NAALADL2: variants seen among roughly 807,000 people sequenced by gnomAD.
NAALADL2 encodes N-acetylated alpha-linked acidic dipeptidase like 2, also known as inactive N-acetylated-alpha-linked acidic dipeptidase-like protein 2.
In NAALADL2, 76 loss-of-function variants were observed where a neutral mutation model predicts 87.2. The ratio of observed to expected loss-of-function variants is 0.87; its 90% CI spans 0.72 to 1.05. NAALADL2 has a LOEUF of 1.05. NAALADL2 is among the 50% of genes least tolerant of loss of function. The probability of loss-of-function intolerance (pLI) is 0.00; values close to 1 mark genes in which losing one functional copy is unlikely to be tolerated. For missense variants in NAALADL2, 1,089 were observed against 945.8 expected, an observed-to-expected ratio of 1.15 and a Z score of -1.99; for synonymous variants, 354 against 331.0, an observed-to-expected ratio of 1.07 and a Z score of -0.75.
chr3:175,437,999 T>C (rs946241123), intron 5 of NAALADL2, among the ~76,000 whole-genome samples: 1 of 152,058 alleles, frequency 6.6e-6, no homozygotes, highest in Non-Finnish European at 1.5e-5. Flanking sequence ...TGAGAAGATG[T>C]GAACATCTAT....
chr3:175,771,287 T>C (rs1009349130), intron 13 of NAALADL2, among the ~76,000 whole-genome samples: 5 of 152,184 alleles, frequency 3.3e-5, no homozygotes, highest in Non-Finnish European at 5.9e-5. Context: ...ATTAGTGTTA[T>C]GTTATATTAG....
intron 5 of NAALADL2, among the ~76,000 whole-genome samples, chr3:175,389,599 T>C (rs1355257779): frequency 6.6e-6 from 1 of 152,238 alleles, no homozygotes; most frequent in African/African-American, 2.4e-5. Context: ...ATCCTGTCTT[T>C]GCATTTGCGT....
intron 3 of NAALADL2, among the ~76,000 whole-genome samples, chr3:174,847,804 G>GA (rs59583247): frequency 7.7e-4 from 107 of 138,832 alleles, no homozygotes; most frequent in East Asian, 1.4e-3. Flanking sequence ...GTATGTATTT[G>GA]AAAAAAAAAA....
chr3:175,587,483 GAGGCAATGGTAGCAATGA>G (rs1358542036), intron 10 of NAALADL2, among the ~76,000 whole-genome samples: 1 of 152,158 alleles, frequency 6.6e-6, no homozygotes, highest in Non-Finnish European at 1.5e-5. Flanking sequence ...AGGTGAACAT[GAGGCAATGGTAGCAATGA>G]AGGCATATAT....
chr3:175,247,285 C>CAT (rs149183690), intron 3 of NAALADL2, among the ~76,000 whole-genome samples: 1 of 91,630 alleles, frequency 1.1e-5, no homozygotes, highest in Non-Finnish European at 2.4e-5. Flanking sequence ...CACACACACA[C>CAT]ACATAAAACA....
intron 2 of NAALADL2, among the ~76,000 whole-genome samples, chr3:175,228,454 A>G (rs942732842): frequency 6.6e-6 from 1 of 151,880 alleles, no homozygotes; most frequent in Non-Finnish European, 1.5e-5. Context: ...ACATTATAAC[A>G]TAACTACTTT....
In NAALADL2 at chr3:175,698,989, T is replaced by C. The variant is rs1039044883; in HGVS notation, c.1897-38317T>C. The stretch of plus-strand genomic sequence containing the variant: ...AAGCTCAAACTTTGAATAGTTAGAC[T>C]CTAAAGTGTCTGGTTCTGTAAACCA... On this transcript the variant is annotated intron_variant, in intron 11 of 13. Transcript: ENST00000454872. Among the ~76,000 whole-genome samples, 3 of 152,024 alleles carry C rather than the reference T, an allele frequency of 2.0e-5. No homozygotes were observed. In the East Asian group the frequency reaches 5.8e-4, roughly 29 times the overall value.
chr3:174,618,177 A>T (rs1720657686), intron 2 of NAALADL2, among the ~76,000 whole-genome samples: 1 of 151,766 alleles, frequency 6.6e-6, no homozygotes, highest in African/African-American at 2.4e-5. Flanking sequence ...GGTATATACA[A>T]AATGATAACC....
At chr3:174,925,612 T>G (rs954311348) in intron 1 of NAALADL2, among the ~76,000 whole-genome samples, 2 of 152,180 alleles carry the variant, frequency 1.3e-5, no homozygotes, top group Non-Finnish European at 2.9e-5. Flanking sequence ...GTGAAGAAAG[T>G]CATTGGTAGC....
At chr3:175,195,518 G>A (rs1738859158) in intron 2 of NAALADL2, among the ~76,000 whole-genome samples, 1 of 151,828 alleles carries the variant, frequency 6.6e-6, no homozygotes, top group South Asian at 2.1e-4. Flanking sequence ...GAGGGCATGA[G>A]CCATGGGAAT....
chr3:175,321,745 C>A (rs1163297471), intron 4 of NAALADL2, among the ~76,000 whole-genome samples: 1 of 133,318 alleles, frequency 7.5e-6, no homozygotes, highest in African/African-American at 3.0e-5. Context: ...CAATTGCTTC[C>A]AAGAGAATAA....
rs192548845 is a variant in NAALADL2 at position 174,716,212 on chromosome 3, A to G, written c.-114-21429A>G. Among the ~76,000 whole-genome samples, 271 of 152,284 alleles carry G rather than the reference A, an allele frequency of 1.8e-3. 2 individuals carry two copies. The highest frequency in any genetic ancestry group is 6.3e-3 in the African/African-American group (261 of 41,556). On this transcript the variant is annotated intron_variant, in intron 2 of 3. Transcript: ENST00000434257. ...CTCTGATGAAGGGCACAGCTCTAGA[A>G]ACACTATCCATTGACAGGTAAGTCA...
chr3:175,248,117 A>G (rs570255834), intron 3 of NAALADL2, among the ~76,000 whole-genome samples: 4 of 152,150 alleles, frequency 2.6e-5, no homozygotes, highest in Non-Finnish European at 4.4e-5. Flanking sequence ...ATCGATAACA[A>G]TGTGATGAAA....
intron 9 of NAALADL2, among the ~76,000 whole-genome samples, chr3:175,509,820 C>T (rs1189394463): frequency 6.6e-6 from 1 of 151,912 alleles, no homozygotes; most frequent in African/African-American, 2.4e-5. Context: ...GAACAGGAAG[C>T]AAACACATCC....
At chr3:174,572,010 C>T (rs978731907) in intron 2 of NAALADL2, among the ~76,000 whole-genome samples, 4 of 152,066 alleles carry the variant, frequency 2.6e-5, no homozygotes, top group East Asian at 1.9e-4. Context: ...TTTATGATAC[C>T]GCAGGTAGAA....
At chr3:174,553,681 A>C (rs1712419296) in intron 2 of NAALADL2, among the ~76,000 whole-genome samples, 1 of 152,156 alleles carries the variant, frequency 6.6e-6, no homozygotes, top group African/African-American at 2.4e-5. Flanking sequence ...ACTTAGCTGC[A>C]TGGTACTTCA....
chr3:174,716,558 TA>T (rs1210404275), intron 2 of NAALADL2, among the ~76,000 whole-genome samples: 1 of 152,094 alleles, frequency 6.6e-6, no homozygotes, highest in East Asian at 1.9e-4. Context: ...CTGTATTTTT[TA>T]TTGCATTATA....
chr3:175,226,837 G>C (rs562463853), intron 2 of NAALADL2, among the ~76,000 whole-genome samples: 12 of 152,130 alleles, frequency 7.9e-5, no homozygotes, highest in African/African-American at 1.2e-4. Context: ...GTTTATTACA[G>C]TTTATCATGT....
At chr3:174,887,129 T>C (rs1454482663) in intron 1 of NAALADL2, among the ~76,000 whole-genome samples, 1 of 152,210 alleles carries the variant, frequency 6.6e-6, no homozygotes, top group African/African-American at 2.4e-5. Flanking sequence ...TGATTTCCTT[T>C]GCTATTATTT....
Sources: gnomAD v4.1 joint callset for allele counts (sites outside exome capture counted in the v4.1 genomes callset) on GRCh38, gnomAD v4.1.1 for gene constraint, MANE v1.5 for transcripts, NCBI Gene and HGNC (gene_info 2026-07-23, HGNC 2026-07-21) for gene names.